The following ZPBP variants were observed in gnomAD, a reference collection of about 807,000 sequenced individuals.
ZPBP encodes zona pellucida-binding protein 1.
A neutral mutation model predicts 44.8 loss-of-function variants in ZPBP; 26 were observed. The ratio of observed to expected loss-of-function variants is 0.58; its 90% CI spans 0.43 to 0.81. The LOEUF (loss-of-function observed/expected upper bound fraction) is 0.81, where lower values mean the gene tolerates loss of function less well. ZPBP is among the 30% of genes least tolerant of loss of function. The pLI is 0.00. For synonymous variants in ZPBP, 174 were observed against 153.2 expected, an observed-to-expected ratio of 1.14 and a Z score of -1.00; for missense variants, 409 against 434.0, an observed-to-expected ratio of 0.94 and a Z score of 0.51.
chr7:50,046,408 G>C (rs1031952083), intron 4 of ZPBP, among the ~76,000 whole-genome samples: 5 of 151,518 alleles, frequency 3.3e-5, no homozygotes, highest in African/African-American at 9.7e-5. Flanking sequence ...TCTGACAAAG[G>C]GCTAATATCC....
intron 7 of ZPBP, among the ~76,000 whole-genome samples, chr7:49,939,169 T>C (rs1794750099): frequency 6.6e-6 from 1 of 152,196 alleles, no homozygotes; most frequent in South Asian, 2.1e-4. Context: ...TTAATATTTA[T>C]TGAAGAACAA....
At chr7:50,003,167 A>G (rs986097042) in intron 6 of ZPBP, among the ~76,000 whole-genome samples, 13 of 152,168 alleles carry the variant, frequency 8.5e-5, no homozygotes, top group Admixed American at 3.9e-4. Context: ...CTGGATTCTA[A>G]TTTGATTTGA....
intron 2 of ZPBP, among the ~76,000 whole-genome samples, chr7:49,882,136 A>G (rs1791692413): frequency 6.6e-6 from 1 of 152,152 alleles, no homozygotes; most frequent in Non-Finnish European, 1.5e-5. Context: ...ATACTTGAGA[A>G]AAAAACTGGT....
chr7:50,075,639 A>T (rs1369461174), intron 3 of ZPBP, among the ~76,000 whole-genome samples: 1 of 152,038 alleles, frequency 6.6e-6, no homozygotes, highest in Non-Finnish European at 1.5e-5. Flanking sequence ...ATGCCAATAC[A>T]TTGGAAAATC....
downstream of ZPBP, among the ~76,000 whole-genome samples, chr7:49,845,673 G>A (rs1382047572): frequency 6.6e-6 from 1 of 151,928 alleles, no homozygotes; most frequent in Non-Finnish European, 1.5e-5. Flanking sequence ...TGATACTTCA[G>A]AAGCAAATTA....
At chr7:49,931,031 GC>G (rs1046784980) in intron 1 of ZPBP, among the ~76,000 whole-genome samples, 23 of 152,210 alleles carry the variant, frequency 1.5e-4, no homozygotes, top group African/African-American at 5.5e-4. Context: ...TAAAGGGAGA[GC>G]TCTGCTGCGC....
intron 6 of ZPBP, among the ~76,000 whole-genome samples, chr7:50,005,901 T>C (rs940796104): frequency 1.3e-5 from 2 of 151,140 alleles, no homozygotes; most frequent in African/African-American, 2.4e-5. Context: ...TCTAACGATA[T>C]GCTTTCTATA....
intron 3 of ZPBP, among the ~76,000 whole-genome samples, chr7:50,078,659 C>T (rs988658092): frequency 6.6e-6 from 1 of 151,286 alleles, no homozygotes; most frequent in South Asian, 2.1e-4. Flanking sequence ...ACTGGCAAAG[C>T]TTTCATGAAC....
intron 1 of ZPBP, among the ~76,000 whole-genome samples, chr7:49,911,088 A>C (rs936806547): frequency 3.3e-5 from 5 of 152,184 alleles, no homozygotes; most frequent in African/African-American, 1.2e-4. Flanking sequence ...GGTCTTAGTT[A>C]TGCTTTTTCT....
chr7:49,884,461 C>T (rs1351694), intron 2 of ZPBP, among the ~76,000 whole-genome samples: 107,495 of 151,944 alleles, frequency 0.71, 38,507 homozygotes, highest in East Asian at 0.88. Context: ...AACAGCAATT[C>T]GGGGTGGGGT....
At chr7:50,076,500 T>C (rs879451149) in intron 3 of ZPBP, among the ~76,000 whole-genome samples, 12 of 151,972 alleles carry the variant, frequency 7.9e-5, no homozygotes, top group Non-Finnish European at 1.8e-4. Flanking sequence ...GATATGATCT[T>C]ATATTTGGAA....
chr7:49,900,131 G>A (rs1792634862), intron 2 of ZPBP, among the ~76,000 whole-genome samples: 1 of 151,604 alleles, frequency 6.6e-6, no homozygotes, highest in Non-Finnish European at 1.5e-5. Context: ...TAAAAATTTA[G>A]TTTATTTTAA....
chr7:49,908,031 CA>C (rs1793201227), intron 1 of ZPBP, among the ~76,000 whole-genome samples: 1 of 152,188 alleles, frequency 6.6e-6, no homozygotes, highest in South Asian at 2.1e-4. Context: ...CCACAAAAGA[CA>C]GCCTTGCAGG....
intron 7 of ZPBP, among the ~76,000 whole-genome samples, chr7:49,968,494 T>C (rs954033324): frequency 1.3e-5 from 2 of 151,972 alleles, no homozygotes; most frequent in African/African-American, 4.8e-5. Context: ...TAGATTTACA[T>C]CAAAAGATAT....
At chr7:49,860,778 T>C (rs1790617406) in intron 2 of ZPBP, among the ~76,000 whole-genome samples, 1 of 152,212 alleles carries the variant, frequency 6.6e-6, no homozygotes, top group Non-Finnish European at 1.5e-5. Context: ...GGGTGAGGCC[T>C]TAATCTAATA....
chr7:49,952,683 A>T (rs1382173078), intron 7 of ZPBP, among the ~76,000 whole-genome samples: 1 of 152,034 alleles, frequency 6.6e-6, no homozygotes, highest in Non-Finnish European at 1.5e-5. Flanking sequence ...TAGACATAAA[A>T]GTGAATTTTA....
chr7:49,929,596 G>A (rs1794379572), intron 1 of ZPBP, among the ~76,000 whole-genome samples: 1 of 152,216 alleles, frequency 6.6e-6, no homozygotes, highest in African/African-American at 2.4e-5. Context: ...TAAGTACTGA[G>A]ATGAGTTTTG....
At chr7:50,046,597 A>G (rs1800378162) in intron 4 of ZPBP, among the ~76,000 whole-genome samples, 1 of 152,216 alleles carries the variant, frequency 6.6e-6, no homozygotes, top group African/African-American at 2.4e-5. Context: ...ACCGTAAGAT[A>G]CCATCTCACA....
chr7:50,073,879 C>G lies in ZPBP; in HGVS notation c.334+7895G>C, dbSNP rs536053248. 4.6e-5 allele frequency among the ~76,000 whole-genome samples: 7 copies of G among 152,142 alleles called. No individual in the cohort carries two copies. In the South Asian group the frequency reaches 1.4e-3, roughly 32 times the overall value. On this transcript the variant is annotated intron_variant, in intron 3 of 7. Transcript: ENST00000046087. ...AAGCTGAGGGATTTCACCAATACCT[C>G]AACTTTCATACAAGAAATGCTAAAG...
Sources: allele counts gnomAD v4.1 joint callset (sites outside exome capture counted in the v4.1 genomes callset), GRCh38; gene constraint gnomAD v4.1.1; transcripts MANE v1.5; gene names NCBI Gene and HGNC (gene_info 2026-07-23, HGNC 2026-07-21).